The following ANTXRL variants were observed in gnomAD, a reference collection of about 807,000 sequenced individuals.
ANTXRL encodes the protein ANTXR like.
Under a neutral mutation model 75.4 loss-of-function variants are expected in ANTXRL, and 63 were observed. The ratio of observed to expected loss-of-function variants is 0.84; its 90% CI spans 0.68 to 1.03. ANTXRL has a LOEUF of 1.03. ANTXRL is among the 50% of genes least tolerant of loss of function. The probability of loss-of-function intolerance (pLI) is 0.00; values close to 1 mark genes in which losing one functional copy is unlikely to be tolerated. For synonymous variants in ANTXRL, 335 were observed against 291.3 expected (o/e 1.15, Z -1.53); for missense variants, 797 against 789.4 (o/e 1.01, Z -0.12).
At chr10:46,313,459 A>G (rs1588852002) in intron 16 of ANTXRL, 143 bp downstream of exon 16, 1 of 854,636 alleles carries the variant, frequency 1.2e-6, no homozygotes, top group Admixed American at 2.1e-5. Flanking sequence ...AACGGTGCCC[A>G]TGGGCATCCC....
chr10:46,309,071 A>G (rs1838268274), intron 12 of ANTXRL, 42 bp from the exon 13 acceptor site: 1 of 1,535,080 alleles, frequency 6.5e-7, no homozygotes, highest in South Asian at 1.2e-5. Context: ...CACGGGGAAG[A>G]GGCCACCGAG....
At chr10:46,288,985 C>A (rs565012165) in intron 1 of ANTXRL, among the ~76,000 whole-genome samples, 1 of 152,256 alleles carries the variant, frequency 6.6e-6, no homozygotes, top group East Asian at 1.9e-4. Flanking sequence ...AATGACCCAC[C>A]ACAGCCTCCA....
At chr10:46,306,699 C>A (rs1292076669) in intron 10 of ANTXRL, 104 bp from the exon 11 acceptor site, 17 of 987,344 alleles carry the variant, frequency 1.7e-5, no homozygotes, top group Non-Finnish European at 2.4e-5. Context: ...GCCCACATGC[C>A]GGTCCTGGGC....
At chr10:46,297,223 G>T in intron 5 of ANTXRL, 29 bp from the exon 6 acceptor site, 2 of 1,529,768 alleles carry the variant, frequency 1.3e-6, no homozygotes, top group South Asian at 2.4e-5. Flanking sequence ...TGCCTTTGCT[G>T]AGCAGGCCAC....
rs569562210 is a variant in ANTXRL, at chr10:46,289,076, C to A, written c.248+1566C>A. Among the ~76,000 whole-genome samples the A allele has an allele frequency of 2.0e-5, 3 of 152,258 alleles. No individual in the cohort carries two copies. In the South Asian group the frequency reaches 6.2e-4, roughly 32 times the overall value. Reference sequence around the variant, plus strand: ...AAAGACCACGCAGCTGGGCGGGACCCTGAGAAACTTGCGGTAATCCTCCAG... The same window carrying A: ...AAAGACCACGCAGCTGGGCGGGACCATGAGAAACTTGCGGTAATCCTCCAG... On this transcript the variant is annotated intron_variant, in intron 1 of 16. Transcript: ENST00000620264.
At chr10:46,328,174 G>T (rs1245067782) in intron 16 of ANTXRL, among the ~76,000 whole-genome samples, 2 of 152,170 alleles carry the variant, frequency 1.3e-5, no homozygotes, top group African/African-American at 4.8e-5. Flanking sequence ...AAGGATAAGG[G>T]GCTTCCTGGA....
rs782554571 is a variant in ANTXRL at position 46,307,434 on chromosome 10, G to A, written c.998G>A (p.Gly333Asp). 1.3e-6 allele frequency: 2 copies of A among 1,536,148 alleles called. No homozygotes were observed. Among genetic ancestry groups the A allele is most frequent in the East Asian group, 2.4e-5 (1 of 40,932 alleles). ...TCTATTGAAGTCAGCTTGAACAAAGGCAAAACATTCTTCAAGAGCAATGTC... is the reference window on the plus strand; with the variant it reads ...TCTATTGAAGTCAGCTTGAACAAAGACAAAACATTCTTCAAGAGCAATGTC... The part of the protein sequence containing the change: ...EYSIEVSLNK[G>D]KTFFKSNVSI... Residue 333 changes from glycine to aspartate, a missense_variant, in exon 12 of 17, where the codon GGC becomes GAC. Around this residue, in one of 3 missense-constraint regions of ANTXRL, gnomAD observed 479 missense variants for 422.0 expected, o/e 1.14. Coordinates refer to ENST00000620264, the MANE Select transcript of ANTXRL (RefSeq NM_001278688.3).
At chr10:46,323,808 TC>T (rs1422468571) in intron 16 of ANTXRL, among the ~76,000 whole-genome samples, 3 of 152,148 alleles carry the variant, frequency 2.0e-5, no homozygotes, top group Non-Finnish European at 4.4e-5. Flanking sequence ...AAGGCCAGTT[TC>T]ATGGTTAAAA....
rs782502445 is a variant in ANTXRL, at chr10:46,330,059, T to TC, written c.1878dup (p.Ser627LeufsTer?). On this transcript the variant is annotated frameshift_variant, in exon 17 of 17. Coordinates refer to ENST00000620264, the MANE Select transcript of ANTXRL (RefSeq NM_001278688.3). LOFTEE classifies it high-confidence loss of function. The stretch of plus-strand genomic sequence containing the variant: ...CACACGGCAGAACCCCCTTTGTCAC[T>TC]CCCCCCCTCAGAGCCCAACTTCTAA... The TC allele has an allele frequency of 1.1e-5, 16 of 1,506,584 alleles. No individual in the cohort carries two copies. Among genetic ancestry groups the TC allele is most frequent in the East Asian group, 2.5e-5 (1 of 40,118 alleles). The allele number at this position is 1,506,584 out of a possible 1,614,324, so 93.3% of individuals were successfully genotyped here.
chr10:46,324,681 C>T (rs10906947), intron 16 of ANTXRL, among the ~76,000 whole-genome samples: 5 of 152,010 alleles, frequency 3.3e-5, no homozygotes, highest in South Asian at 2.1e-4. Flanking sequence ...AATTATTTCT[C>T]TATCATTTGA....
In ANTXRL at chr10:46,287,354, G is replaced by C. The variant is rs78797099; in HGVS notation, c.92G>C (p.Arg31Pro). ...PPPLFRAGSLRYHGPDWRIFH... is the reference protein window; with the variant it reads ...PPPLFRAGSLPYHGPDWRIFH... ...CCGCTTTTTAGAGCAGGAAGCCTTC[G>C]GTACCATGGACCTGACTGGAGAATA... The change falls in exon 1 of 17, where the codon CGG becomes CCG. Residue 31 changes from arginine to proline, a missense_variant. Arg to Pro is a moderately radical substitution (Grantham distance 103). This residue lies in a region of ANTXRL where 262 missense variants were observed against 271.9 expected (regional missense o/e 0.96). Coordinates refer to ENST00000620264, the MANE Select transcript of ANTXRL (RefSeq NM_001278688.3). The C allele has an allele frequency of 0.016, 24,926 of 1,535,656 alleles. 966 individuals carry two copies. Among genetic ancestry groups the C allele is most frequent in the East Asian group, 0.1 (4,126 of 40,864 alleles).
rs1836802640 is a variant in ANTXRL, at chr10:46,287,282, T to C, written c.20T>C (p.Leu7Pro). Residue 7 changes from leucine to proline, a missense_variant, in exon 1 of 17, where the codon CTG becomes CCG. Physicochemically the swap from Leu to Pro is moderately conservative, Grantham distance 98. This residue lies in a region of ANTXRL where 262 missense variants were observed against 271.9 expected (regional missense o/e 0.96). Coordinates refer to ENST00000620264, the MANE Select transcript of ANTXRL (RefSeq NM_001278688.3). ...CAGATAATGGGGAGCCATGAGTCCC[T>C]GGGGCCCTACTTCCTGGTCTTCCTG... is the stretch of plus-strand genomic sequence containing the variant. MGSHES[L>P]GPYFLVFLLL... 6.5e-7 allele frequency: 1 copy of C among 1,535,868 alleles called. No individual in the cohort carries two copies. Among genetic ancestry groups the C allele is most frequent in the African/African-American group, 1.4e-5 (1 of 73,122 alleles).
intron 16 of ANTXRL, among the ~76,000 whole-genome samples, chr10:46,327,965 A>C (rs782150226): frequency 2.0e-5 from 3 of 152,178 alleles, no homozygotes; most frequent in East Asian, 3.8e-4. Flanking sequence ...GAGGCAAAGT[A>C]GCATATGCCC....
intron 5 of ANTXRL, 33 bp downstream of exon 5, chr10:46,296,285 A>C (rs1554958664): frequency 6.5e-7 from 1 of 1,533,836 alleles, no homozygotes; most frequent in African/African-American, 1.4e-5. Flanking sequence ...GTGGTCCTGT[A>C]GGGGGAACAG....
chr10:46,327,184 T>C (rs1554966668), intron 16 of ANTXRL, among the ~76,000 whole-genome samples: 1 of 152,070 alleles, frequency 6.6e-6, no homozygotes, highest in African/African-American at 2.4e-5. Context: ...TGGCCAGCTC[T>C]TCTAGTAGCT....
chr10:46,303,067 G>A (rs115479118), intron 10 of ANTXRL, among the ~76,000 whole-genome samples: 2,713 of 152,224 alleles, frequency 0.018, 89 homozygotes, highest in African/African-American at 0.061. Flanking sequence ...CCCACTCAGT[G>A]AGGCTGGGTT....
intron 2 of ANTXRL, chr10:46,293,238 ATG>A (rs1837087966): frequency 7.4e-6 from 1 of 135,924 alleles, no homozygotes. Context: ...GTGAGTGTGT[ATG>A]CATGTGTGTG....
intron 15 of ANTXRL, among the ~76,000 whole-genome samples, chr10:46,312,152 C>T (rs1363673048): frequency 6.6e-6 from 1 of 150,428 alleles, no homozygotes; most frequent in Non-Finnish European, 1.5e-5. Flanking sequence ...GGGCACCTGC[C>T]AGCCCGGGCA....
At chr10:46,328,781 T>G (rs1839349645) in intron 16 of ANTXRL, among the ~76,000 whole-genome samples, 2 of 151,996 alleles carry the variant, frequency 1.3e-5, no homozygotes, top group Admixed American at 1.3e-4. Context: ...GGACTTGGGG[T>G]GACCAATCTG....
Sources: allele counts gnomAD v4.1 joint callset (sites outside exome capture counted in the v4.1 genomes callset), GRCh38; gene constraint gnomAD v4.1.1; regional missense constraint gnomAD v4.1.1; transcripts MANE v1.5; gene names NCBI Gene and HGNC (gene_info 2026-07-23, HGNC 2026-07-21).